Variants in GDPD4 observed in about 807,000 individuals in gnomAD.
GDPD4 encodes glycerophosphodiester phosphodiesterase domain containing 4.
GDPD4 carries 60 observed loss-of-function variants against 67.8 expected under a neutral mutation model. That is an observed-to-expected ratio of 0.88 (90% confidence interval 0.72 to 1.10). The LOEUF (loss-of-function observed/expected upper bound fraction) is 1.10, where lower values mean the gene tolerates loss of function less well. GDPD4 is among the 50% of genes least tolerant of loss of function. The pLI is 0.00. For synonymous variants in GDPD4, 212 were observed against 210.9 expected, an observed-to-expected ratio of 1.00 and a Z score of -0.04; for missense variants, 623 against 613.9, an observed-to-expected ratio of 1.01 and a Z score of -0.16.
intron 1 of GDPD4, among the ~76,000 whole-genome samples, chr11:77,300,060 C>A (rs1033630487): frequency 6.6e-6 from 1 of 152,080 alleles, no homozygotes; most frequent in African/African-American, 2.4e-5. Flanking sequence ...ATGTTCAATT[C>A]TTTGCCTTCT....
At chr11:77,271,463 A>G (rs1034382135) in intron 5 of GDPD4, 70 bp from the exon 6 acceptor site, 11 of 873,992 alleles carry the variant, frequency 1.3e-5, no homozygotes, top group Middle Eastern at 3.3e-4. Flanking sequence ...CTCAGGAATT[A>G]TATGTGTGTC....
intron 5 of GDPD4, among the ~76,000 whole-genome samples, chr11:77,275,681 G>A (rs926739455): frequency 6.6e-6 from 1 of 152,170 alleles, no homozygotes; most frequent in East Asian, 1.9e-4. Context: ...AGAGGTAGAA[G>A]GACCACCATG....
At chr11:77,293,928 A>T (rs1363075549) in intron 1 of GDPD4, among the ~76,000 whole-genome samples, 1 of 152,152 alleles carries the variant, frequency 6.6e-6, no homozygotes, top group Admixed American at 6.5e-5. Context: ...GGCTAGAAAA[A>T]GAAATAAAAG....
intron 13 of GDPD4, among the ~76,000 whole-genome samples, chr11:77,235,015 T>TTTTG (rs1417203052): frequency 3.5e-5 from 4 of 113,354 alleles, no homozygotes; most frequent in Admixed American, 8.4e-5. Context: ...ATCTGTTTTT[T>TTTTG]TTTTTTTTTT....
intron 12 of GDPD4, among the ~76,000 whole-genome samples, chr11:77,245,031 G>A (rs180788697): frequency 4.5e-4 from 68 of 152,164 alleles, no homozygotes; most frequent in Admixed American, 7.2e-4. Context: ...TCTTTAACAG[G>A]GTGCTGACAT....
chr11:77,282,194 T>C (rs1306649621), intron 3 of GDPD4, among the ~76,000 whole-genome samples: 1 of 152,096 alleles, frequency 6.6e-6, no homozygotes, highest in East Asian at 1.9e-4. Context: ...AATACTAATA[T>C]AAGACTTCGG....
At chr11:77,272,644 C>T (rs1959268230) in intron 5 of GDPD4, among the ~76,000 whole-genome samples, 2 of 151,982 alleles carry the variant, frequency 1.3e-5, no homozygotes, top group South Asian at 4.2e-4. Context: ...GGTGTGGTTG[C>T]ACACAACTGT....
chr11:77,249,763 T>G (rs1316481757), intron 11 of GDPD4, among the ~76,000 whole-genome samples: 4 of 152,204 alleles, frequency 2.6e-5, no homozygotes, highest in Non-Finnish European at 4.4e-5. Flanking sequence ...GATACGTGAT[T>G]ATGTTGCTTA....
At chr11:77,228,398 G>T (rs961568876) in intron 15 of GDPD4, among the ~76,000 whole-genome samples, 1 of 150,916 alleles carries the variant, frequency 6.6e-6, no homozygotes, top group African/African-American at 2.4e-5. Context: ...TACTCGGGAG[G>T]CTGAGGCAGG....
Position 77,216,998 on chromosome 11 carries a change from G to GTAGTT in GDPD4, c.*274_*278dup. The GTAGTT allele has an allele frequency of 1.4e-6, 1 of 703,218 alleles. No individual in the cohort carries two copies. The highest frequency in any genetic ancestry group is 2.6e-6 in the Non-Finnish European group (1 of 385,018). 43.6% of individuals were successfully genotyped at this position (703,218 alleles called of 1,614,324 possible). On this transcript the variant is annotated 3_prime_UTR_variant, in exon 17 of 17. Coordinates refer to ENST00000315938, the MANE Select transcript of GDPD4 (RefSeq NM_182833.3). Reference sequence around the variant, plus strand: ...CTTATCCACCTTCAGGGTGGGCAATGTAGTTTGAAAGGTAGCCTCACTTGT... The same window carrying GTAGTT: ...CTTATCCACCTTCAGGGTGGGCAATGTAGTTTAGTTTGAAAGGTAGCCTCACTTGT...
chr11:77,292,374 AT>A (rs1937808401), intron 1 of GDPD4, among the ~76,000 whole-genome samples: 1 of 152,150 alleles, frequency 6.6e-6, no homozygotes, highest in African/African-American at 2.4e-5. Flanking sequence ...GTTAAAAAAA[AT>A]CAAAAGGGAA....
In GDPD4 at chr11:77,216,956, A is replaced by G. The variant is rs1958131882; in HGVS notation, c.*321T>C. On this transcript the variant is annotated 3_prime_UTR_variant, in exon 17 of 17. Transcript: ENST00000315938. ...TCTTATTTAAGGATAGGGGACCTCT[A>G]TGGAGGGCATGGTTGGCTTATCCAC... 5.7e-6 allele frequency: 4 copies of G among 702,828 alleles called. No individual in the cohort carries two copies. Among genetic ancestry groups the G allele is most frequent in the Non-Finnish European group, 1.0e-5 (4 of 384,962 alleles). The allele number at this position is 702,828 out of a possible 1,614,324, so 43.5% of individuals were successfully genotyped here.
chr11:77,228,401 G>A (rs911829190), intron 15 of GDPD4, among the ~76,000 whole-genome samples: 8 of 150,584 alleles, frequency 5.3e-5, no homozygotes, highest in Non-Finnish European at 1.2e-4. Context: ...TCGGGAGGCT[G>A]AGGCAGGAGA....
At chr11:77,292,421 C>T (rs751578033) in intron 1 of GDPD4, among the ~76,000 whole-genome samples, 16 of 151,880 alleles carry the variant, frequency 1.1e-4, no homozygotes, top group Non-Finnish European at 1.9e-4. Flanking sequence ...AATGAAAACA[C>T]AATATAGAAA....
At chr11:77,218,185 T>TAA (rs1271915887) in intron 16 of GDPD4, among the ~76,000 whole-genome samples, 2 of 152,070 alleles carry the variant, frequency 1.3e-5, no homozygotes, top group East Asian at 1.9e-4. Context: ...AATATCTTTA[T>TAA]AACTTTTCTA....
At position 77,269,065 on chromosome 11, in the gene GDPD4, T is replaced by C; in HGVS notation, c.483A>G (p.Leu161=). Residue 161 remains leucine, a synonymous_variant, in exon 9 of 17, where the codon CTA becomes CTG. Transcript: ENST00000315938. ...GAAAGGGTAATCCAACAGGCACTTG[T>C]AGACCTGAAAAATTTGAAAGGAAGG... ...QCNVITRLRG[L]QVPVGLPFLL... 1.2e-6 allele frequency: 2 copies of C among 1,612,372 alleles called. No homozygotes were observed. The highest frequency in any genetic ancestry group is 1.7e-6 in the Non-Finnish European group (2 of 1,179,420).
chr11:77,231,862 A>G (rs555039772), intron 14 of GDPD4, among the ~76,000 whole-genome samples: 1 of 152,324 alleles, frequency 6.6e-6, no homozygotes, highest in African/African-American at 2.4e-5. Flanking sequence ...GTGCTGAGTG[A>G]CCTGCCATCC....
intron 10 of GDPD4, among the ~76,000 whole-genome samples, chr11:77,259,484 A>C (rs1255333534): frequency 1.3e-5 from 2 of 152,156 alleles, no homozygotes; most frequent in Admixed American, 1.3e-4. Flanking sequence ...AAGCCACTAG[A>C]AAACTGGACA....
At chr11:77,294,668 G>A (rs934121298) in intron 1 of GDPD4, among the ~76,000 whole-genome samples, 16 of 151,984 alleles carry the variant, frequency 1.1e-4, no homozygotes, top group African/African-American at 3.9e-4. Flanking sequence ...ATAAGGAAAG[G>A]CAAAGGAAAT....
Sources: gnomAD v4.1 joint callset for allele counts (sites outside exome capture counted in the v4.1 genomes callset) on GRCh38, gnomAD v4.1.1 for gene constraint, MANE v1.5 for transcripts, NCBI Gene and HGNC (gene_info 2026-07-23, HGNC 2026-07-21) for gene names.